SNX30: variants seen among roughly 807,000 people sequenced by gnomAD.
SNX30 encodes sorting nexin family member 30.
A neutral mutation model predicts 46.4 loss-of-function variants in SNX30; 24 were observed. The observed-to-expected ratio is 0.52, with a 90% CI of 0.37 to 0.73. The LOEUF (loss-of-function observed/expected upper bound fraction) is 0.73, where lower values mean the gene tolerates loss of function less well. SNX30 is among the 30% of genes least tolerant of loss of function. The probability of loss-of-function intolerance (pLI) is 0.00; values close to 1 mark genes in which losing one functional copy is unlikely to be tolerated. For synonymous variants in SNX30, 189 were observed against 211.5 expected (o/e 0.89, Z 0.92); for missense variants, 533 against 555.7 (o/e 0.96, Z 0.41).
chr9:112,792,646 G>A (rs1339547236), intron 1 of SNX30, among the ~76,000 whole-genome samples: 1 of 152,098 alleles, frequency 6.6e-6, no homozygotes, highest in East Asian at 1.9e-4. Context: ...GGCTGGTCTT[G>A]AGCTCCTGGG....
Position 112,865,661 on chromosome 9 carries a change from A to ATATATATGTGTG in SNX30, c.1254+1263_1254+1264insATATATGTGTGT. Among the ~76,000 whole-genome samples, 77 of 105,658 alleles carry ATATATATGTGTG rather than the reference A, an allele frequency of 7.3e-4. 4 individuals are homozygous for ATATATATGTGTG. The highest frequency in any genetic ancestry group is 2.6e-3 in the African/African-American group (68 of 26,324). The allele number at this position is 105,658 out of a possible 152,430, so 69.3% of individuals were successfully genotyped here. A position where few individuals can be genotyped will look rare whatever the true frequency, so the allele number is the denominator to read the frequency against. ...TATATATATATATATATATATATAT[A>ATATATATGTGTG]TGTATGTATGTATGCACACACACAC... On this transcript the variant is annotated intron_variant, in intron 8 of 8. Coordinates refer to ENST00000374232, the MANE Select transcript of SNX30 (RefSeq NM_001012994.2).
At chr9:112,790,167 G>A (rs540843958) in intron 1 of SNX30, among the ~76,000 whole-genome samples, 1 of 152,262 alleles carries the variant, frequency 6.6e-6, no homozygotes, top group South Asian at 2.1e-4. Context: ...CAGAACTTGA[G>A]ACTTACTATC....
At chr9:112,834,384 T>C (rs1840715679) in intron 4 of SNX30, among the ~76,000 whole-genome samples, 1 of 152,156 alleles carries the variant, frequency 6.6e-6, no homozygotes, top group Admixed American at 6.5e-5. Flanking sequence ...GACCTCTTCT[T>C]TGGGTTCCAT....
intron 1 of SNX30, among the ~76,000 whole-genome samples, chr9:112,788,169 T>C (rs1839961723): frequency 6.6e-6 from 1 of 152,142 alleles, no homozygotes; most frequent in Admixed American, 6.5e-5. Flanking sequence ...AGTTGAGTCC[T>C]GCCCTGTTCC....
downstream of SNX30, among the ~76,000 whole-genome samples, chr9:112,882,066 G>C (rs1841584146): frequency 6.6e-6 from 1 of 152,088 alleles, no homozygotes; most frequent in Admixed American, 6.5e-5. Context: ...CTTATGCAGG[G>C]CTTTGTTGCC....
intron 8 of SNX30, among the ~76,000 whole-genome samples, chr9:112,864,872 A>G (rs969222693): frequency 6.6e-6 from 1 of 152,090 alleles, no homozygotes; most frequent in Admixed American, 6.5e-5. Context: ...ACTTCAAAAT[A>G]TTGATTTTAA....
intron 2 of SNX30, among the ~76,000 whole-genome samples, chr9:112,814,790 T>C (rs766887249): frequency 1.3e-5 from 2 of 152,220 alleles, no homozygotes; most frequent in Non-Finnish European, 2.9e-5. Flanking sequence ...TACACTTTTG[T>C]CCAGCAATTC....
At chr9:112,789,309 TG>T (rs1428592520) in intron 1 of SNX30, among the ~76,000 whole-genome samples, 1 of 152,172 alleles carries the variant, frequency 6.6e-6, no homozygotes, top group African/African-American at 2.4e-5. Context: ...CCTTGATTTT[TG>T]GGGATTTCTC....
At chr9:112,791,230 G>A (rs1840014723) in intron 1 of SNX30, among the ~76,000 whole-genome samples, 1 of 151,858 alleles carries the variant, frequency 6.6e-6, no homozygotes, top group Admixed American at 6.6e-5. Flanking sequence ...TGTAGCCCCT[G>A]GCAACCAAGT....
chr9:112,843,626 CTTTT>C (rs35950913), intron 6 of SNX30, among the ~76,000 whole-genome samples: 1 of 105,218 alleles, frequency 9.5e-6, no homozygotes, highest in East Asian at 3.3e-4. Context: ...CCTGCAGTAG[CTTTT>C]TTTTTTTTTT....
chr9:112,842,648 T>C (rs1840877912), intron 6 of SNX30, among the ~76,000 whole-genome samples: 1 of 152,266 alleles, frequency 6.6e-6, no homozygotes, highest in Non-Finnish European at 1.5e-5. Context: ...AATCAGCTTG[T>C]AGCTGTGTGT....
chr9:112,865,915 T>C (rs1841334593), intron 8 of SNX30, among the ~76,000 whole-genome samples: 1 of 151,814 alleles, frequency 6.6e-6, no homozygotes, highest in Admixed American at 6.6e-5. Flanking sequence ...TTCCTACTAC[T>C]ACAAAACCAA....
intron 1 of SNX30, among the ~76,000 whole-genome samples, chr9:112,785,683 C>T (rs552742373): frequency 1.1e-4 from 16 of 152,168 alleles, no homozygotes; most frequent in Admixed American, 7.8e-4. Flanking sequence ...CACGCCTGGC[C>T]GTGCCTGGCT....
At chr9:112,815,259 T>A (rs1840378790) in intron 2 of SNX30, among the ~76,000 whole-genome samples, 1 of 152,118 alleles carries the variant, frequency 6.6e-6, no homozygotes, top group Admixed American at 6.5e-5. Context: ...CTTTTGTAGT[T>A]ACCAAAAATG....
At chr9:112,785,269 A>C (rs1032512745) in intron 1 of SNX30, among the ~76,000 whole-genome samples, 1 of 151,484 alleles carries the variant, frequency 6.6e-6, no homozygotes, top group Non-Finnish European at 1.5e-5. Flanking sequence ...AGGGTGGAGT[A>C]TGGTAGTGTG....
chr9:112,769,748 C>T (rs1331063769), intron 1 of SNX30, among the ~76,000 whole-genome samples: 1 of 152,196 alleles, frequency 6.6e-6, no homozygotes, highest in Non-Finnish European at 1.5e-5. Flanking sequence ...CACATCTACA[C>T]ACTGATAACT....
intron 1 of SNX30, among the ~76,000 whole-genome samples, chr9:112,777,054 A>G (rs1327423977): frequency 6.6e-6 from 1 of 151,698 alleles, no homozygotes; most frequent in Admixed American, 6.6e-5. Flanking sequence ...AGCAAATCCC[A>G]TGTCTTCCCA....
chr9:112,827,951 C>T (rs981936650), intron 3 of SNX30, among the ~76,000 whole-genome samples: 3 of 152,164 alleles, frequency 2.0e-5, no homozygotes, highest in East Asian at 1.9e-4. Context: ...TGCATCTGCA[C>T]GAGTGTTCAC....
chr9:112,797,694 C>CT (rs1347978965), intron 1 of SNX30, among the ~76,000 whole-genome samples: 1 of 136,102 alleles, frequency 7.3e-6, no homozygotes, highest in African/African-American at 2.7e-5. Context: ...GCTCTCTCTT[C>CT]TTTTCTTTTT....
Sources: allele counts gnomAD v4.1 joint callset (sites outside exome capture counted in the v4.1 genomes callset), GRCh38; gene constraint gnomAD v4.1.1; transcripts MANE v1.5; gene names NCBI Gene and HGNC (gene_info 2026-07-23, HGNC 2026-07-21).